MYO18B: variants seen among roughly 807,000 people sequenced by gnomAD.
MYO18B encodes the protein myosin XVIIIB, also known as unconventional myosin-XVIIIb.
MYO18B carries 204 observed loss-of-function variants against 273.0 expected under a neutral mutation model. That is an observed-to-expected ratio of 0.75 (90% CI 0.67 to 0.84). The LOEUF (loss-of-function observed/expected upper bound fraction) is 0.84, where lower values mean the gene tolerates loss of function less well. Among genes scored for constraint, MYO18B ranks in the 40% least tolerant of loss-of-function variants. The pLI is 0.00. For synonymous variants in MYO18B, 1,330 were observed against 1,305.7 expected, an observed-to-expected ratio of 1.02 and a Z score of -0.40; for missense variants, 3,212 against 3,287.6, an observed-to-expected ratio of 0.98 and a Z score of 0.56.
At position 26,004,807 on chromosome 22, in the gene MYO18B, G is replaced by A. The variant is rs1464112997; in HGVS notation, c.6422G>A (p.Arg2141Lys). ...CTLSLATDTM[R>K]TPSRQSATSS... is the part of the protein sequence containing the mutation. ...CTGTCCCTGGCCACAGATACTATGA[G>A]GACTCCTTCTCGACAGTCAGCCACC... The change falls in exon 42 of 44, where the codon AGG becomes AAG. Residue 2141 changes from arginine (R) to lysine (K), a missense_variant. Coordinates refer to ENST00000335473, the MANE Select transcript of MYO18B (RefSeq NM_032608.7). The A allele has an allele frequency of 2.5e-6, 4 of 1,613,864 alleles. No homozygotes were observed. The South Asian group carries it at 3.3e-5, about 13-fold the overall frequency.
At chr22:25,926,575 G>A (rs527871259) in intron 34 of MYO18B, among the ~76,000 whole-genome samples, 2 of 152,322 alleles carry the variant, frequency 1.3e-5, no homozygotes, top group South Asian at 2.1e-4. Flanking sequence ...GATTACAGGT[G>A]TGAGTCACCA....
At chr22:25,872,958 C>G (rs891366507) in intron 22 of MYO18B, among the ~76,000 whole-genome samples, 2 of 152,162 alleles carry the variant, frequency 1.3e-5, no homozygotes, top group African/African-American at 4.8e-5. Flanking sequence ...AGAAAAATGA[C>G]TTCTTCCCCT....
chr22:25,922,803 C>T (rs905579648), intron 34 of MYO18B, among the ~76,000 whole-genome samples: 1 of 152,184 alleles, frequency 6.6e-6, no homozygotes, highest in African/African-American at 2.4e-5. Flanking sequence ...CCCACAGCTT[C>T]GGCTGCTTCC....
At position 25,845,166 on chromosome 22, in the gene MYO18B, G is replaced by A. The variant is rs145918826; in HGVS notation, c.3369-934G>A. Among the ~76,000 whole-genome samples the A allele has an allele frequency of 3.6e-3, 543 of 152,336 alleles. 17 individuals carry two copies. The highest frequency in any genetic ancestry group is 3.3e-3 in the East Asian group (17 of 5,190). On this transcript the variant is annotated intron_variant, in intron 18 of 43. Transcript: ENST00000335473. ...GATGACCTATTAGAGAGCCCGGTTC[G>A]TAGTTGGCTCATGGAAGAGGGTAGG... is the stretch of plus-strand genomic sequence containing the variant.
intron 17 of MYO18B, among the ~76,000 whole-genome samples, chr22:25,840,369 A>C (rs1294505309): frequency 1.3e-5 from 2 of 152,236 alleles, no homozygotes; most frequent in Non-Finnish European, 2.9e-5. Context: ...ATTCCAGCCC[A>C]GTGCTGCTCA....
intron 40 of MYO18B, among the ~76,000 whole-genome samples, chr22:25,993,585 T>C (rs5761342): frequency 0.62 from 93,460 of 151,570 alleles, 30,515 homozygotes; most frequent in African/African-American, 0.81. Flanking sequence ...ACCCTGACTT[T>C]AGAGAAGTTC....
At chr22:25,867,360 A>G (rs1230679273) in intron 21 of MYO18B, among the ~76,000 whole-genome samples, 1 of 152,182 alleles carries the variant, frequency 6.6e-6, no homozygotes, top group Non-Finnish European at 1.5e-5. Flanking sequence ...TACCTCCTTT[A>G]TAAGTGAAAT....
At position 25,770,997 on chromosome 22, in the gene MYO18B, T is replaced by G; in HGVS notation, c.1692+13T>G. ...GCATGTCCATCGGGTGAGTCCCCTG[T>G]CCCGCCGTCCCCCAGCATGAGTCCC... On this transcript the variant is annotated intron_variant, in intron 6 of 43. Transcript: ENST00000335473. 1 of 1,529,680 alleles carries G rather than the reference T, an allele frequency of 6.5e-7. No homozygotes were observed. Among genetic ancestry groups the G allele is most frequent in the South Asian group, 1.2e-5 (1 of 83,608 alleles). The allele number at this position is 1,529,680 out of a possible 1,614,324, so 94.8% of individuals were successfully genotyped here.
chr22:25,782,436 G>A (rs2087203352), intron 10 of MYO18B, among the ~76,000 whole-genome samples: 1 of 152,208 alleles, frequency 6.6e-6, no homozygotes, highest in Non-Finnish European at 1.5e-5. Context: ...GCAGTGAGCT[G>A]GGTAGTCAGG....
At chr22:25,929,172 A>T (rs1427922578) in intron 34 of MYO18B, among the ~76,000 whole-genome samples, 1 of 151,580 alleles carries the variant, frequency 6.6e-6, no homozygotes, top group Non-Finnish European at 1.5e-5. Flanking sequence ...AAAAAAAAAA[A>T]AAAAAGACAG....
Position 25,793,053 on chromosome 22 carries a change from G to A in MYO18B, c.2377-4900G>A, listed in dbSNP as rs141711005. ...ATCAACTTGGGCAGCAATGGGGAAC[G>A]GTGTCTCTGGAAGGTGGAACAGCCT... On this transcript the variant is annotated intron_variant, in intron 11 of 43. Transcript: ENST00000335473. 2.1e-3 allele frequency among the ~76,000 whole-genome samples: 318 copies of A among 152,260 alleles called. 2 individuals carry two copies. The highest frequency in any genetic ancestry group is 5.4e-3 in the South Asian group (26 of 4,818).
At chr22:25,816,790 G>A (rs1181214696) in intron 12 of MYO18B, among the ~76,000 whole-genome samples, 2 of 152,228 alleles carry the variant, frequency 1.3e-5, no homozygotes, top group Non-Finnish European at 2.9e-5. Context: ...GAGGCAGTCT[G>A]TCTCCAGAAC....
intron 30 of MYO18B, 198 bp downstream of exon 30, chr22:25,902,934 AT>A (rs1373053887): frequency 3.4e-6 from 2 of 583,722 alleles, no homozygotes; most frequent in Non-Finnish European, 2.9e-6. Flanking sequence ...TTTGAGCAAG[AT>A]TGATGTCTTG....
chr22:25,776,552 G>C (rs1357005193), intron 7 of MYO18B, among the ~76,000 whole-genome samples: 1 of 152,116 alleles, frequency 6.6e-6, no homozygotes, highest in Admixed American at 6.5e-5. Flanking sequence ...AGCTGAGATC[G>C]TGCCATTGTA....
intron 11 of MYO18B, among the ~76,000 whole-genome samples, chr22:25,790,855 G>T (rs1601704276): frequency 1.3e-5 from 2 of 152,302 alleles, no homozygotes; most frequent in Non-Finnish European, 2.9e-5. Context: ...AGGACCCAGA[G>T]AAGGGGATTA....
intron 15 of MYO18B, among the ~76,000 whole-genome samples, chr22:25,831,206 T>TA (rs2089694685): frequency 6.6e-6 from 1 of 152,186 alleles, no homozygotes; most frequent in Admixed American, 6.5e-5. Context: ...AGTATTACAT[T>TA]ATTCACATAA....
At chr22:25,916,925 AG>A (rs2092269706) in intron 33 of MYO18B, among the ~76,000 whole-genome samples, 4 of 152,070 alleles carry the variant, frequency 2.6e-5, no homozygotes, top group Non-Finnish European at 5.9e-5. Flanking sequence ...CCAGCTGCTC[AG>A]GGGGCTGAGG....
chr22:25,799,273 G>A (rs1451260245), intron 12 of MYO18B, among the ~76,000 whole-genome samples: 1 of 151,804 alleles, frequency 6.6e-6, no homozygotes, highest in African/African-American at 2.4e-5. Context: ...GTCATTCTCC[G>A]CTTAGAATCC....
At chr22:25,842,001 C>T (rs1428337612) in intron 17 of MYO18B, among the ~76,000 whole-genome samples, 1 of 152,226 alleles carries the variant, frequency 6.6e-6, no homozygotes, top group African/African-American at 2.4e-5. Context: ...ACAGGACACT[C>T]TTGAAACAGG....
Sources: allele counts gnomAD v4.1 joint callset (sites outside exome capture counted in the v4.1 genomes callset), GRCh38; gene constraint gnomAD v4.1.1; transcripts MANE v1.5; gene names NCBI Gene and HGNC (gene_info 2026-07-23, HGNC 2026-07-21).